Variants in DYNC2I1 observed in about 807,000 individuals in gnomAD.
DYNC2I1 encodes dynein 2 intermediate chain 1.
Under a neutral mutation model 133.4 loss-of-function variants are expected in DYNC2I1, and 89 were observed. The observed-to-expected ratio is 0.67, with a 90% CI of 0.56 to 0.80. DYNC2I1 has a LOEUF of 0.80. DYNC2I1 is among the 30% of genes least tolerant of loss of function. The probability of loss-of-function intolerance (pLI) is 0.00; values close to 1 mark genes in which losing one functional copy is unlikely to be tolerated. For synonymous variants in DYNC2I1, 504 were observed against 484.3 expected (o/e 1.04, Z -0.54); for missense variants, 1,291 against 1,314.5 (o/e 0.98, Z 0.28).
intron 1 of DYNC2I1, among the ~76,000 whole-genome samples, chr7:158,863,397 AC>A (rs1842051109): frequency 6.6e-6 from 1 of 151,810 alleles, no homozygotes; most frequent in South Asian, 2.1e-4. Flanking sequence ...GTCCCCACCC[AC>A]CCAGAAGCCC....
chr7:158,840,453 G>C, the DYNC2I1 span, among the ~76,000 whole-genome samples: 1 of 152,136 alleles, frequency 6.6e-6, no homozygotes, highest in Non-Finnish European at 1.5e-5. Flanking sequence ...TGTAATCCCA[G>C]CTACTCGGGA....
In DYNC2I1 at chr7:158,953,011, C is replaced by T. The variant is rs142167032; in HGVS notation, c.*57-3572C>T. Among the ~76,000 whole-genome samples, 416 of 152,336 alleles carry T rather than the reference C, an allele frequency of 2.7e-3. 1 individual carries two copies. Among genetic ancestry groups the T allele is most frequent in the African/African-American group, 7.3e-3 (303 of 41,582 alleles). On this transcript the variant is annotated intron_variant and NMD_transcript_variant, in intron 4 of 4. Transcript: ENST00000454771. ...CGCTCCCCCATCCTTCCCACCTGTGCAATGCCAGCCCAGGTGGCATCCGCA... is the reference window on the plus strand; with the variant it reads ...CGCTCCCCCATCCTTCCCACCTGTGTAATGCCAGCCCAGGTGGCATCCGCA...
chr7:158,877,044 A>C (rs1843420562), intron 4 of DYNC2I1, among the ~76,000 whole-genome samples: 2 of 152,192 alleles, frequency 1.3e-5, no homozygotes, highest in African/African-American at 2.4e-5. Context: ...TTAGATTTTT[A>C]CTGTTTTATA....
At chr7:158,933,561 G>C (rs1850439686) in intron 21 of DYNC2I1, among the ~76,000 whole-genome samples, 1 of 152,252 alleles carries the variant, frequency 6.6e-6, no homozygotes. Flanking sequence ...GCTTGGAAGA[G>C]CTTGAAATCC....
Position 158,911,591 on chromosome 7 carries a change from T to G in DYNC2I1, c.1502T>G (p.Phe501Cys). 1 of 1,613,802 alleles carries G rather than the reference T, an allele frequency of 6.2e-7. No individual in the cohort carries two copies. Among genetic ancestry groups the G allele is most frequent in the Non-Finnish European group, 8.5e-7 (1 of 1,179,816 alleles). The change falls in exon 12 of 25, where the codon TTT becomes TGT. Residue 501 changes from phenylalanine (F) to cysteine (C), a missense_variant. Transcript: ENST00000407559. ...TKLLRLIDLD[F>C]SFTFSLLDLP... ...CTGCTTCGGCTCATTGACTTAGATTTTTCATTTACTTTCTCTCTCTTGGAT... is the reference window on the plus strand; with the variant it reads ...CTGCTTCGGCTCATTGACTTAGATTGTTCATTTACTTTCTCTCTCTTGGAT...
At chr7:158,885,911 G>T (rs185714896) in intron 6 of DYNC2I1, among the ~76,000 whole-genome samples, 32 of 151,928 alleles carry the variant, frequency 2.1e-4, no homozygotes, top group African/African-American at 6.5e-4. Context: ...TAAAAATTGA[G>T]AATCAGTTTG....
chr7:158,876,755 A>G (rs1404913418), intron 4 of DYNC2I1, 64 bp downstream of exon 4: 4 of 1,477,978 alleles, frequency 2.7e-6, no homozygotes, highest in East Asian at 2.5e-5. Flanking sequence ...TGTTTTAAGC[A>G]TTATTGTTGG....
intron 20 of DYNC2I1, among the ~76,000 whole-genome samples, chr7:158,927,352 G>A (rs947479191): frequency 2.0e-5 from 3 of 151,022 alleles, no homozygotes; most frequent in Non-Finnish European, 2.9e-5. Context: ...GCAGTGAGCC[G>A]TGATCATGCC....
chr7:158,891,314 C>A lies in DYNC2I1; in HGVS notation c.1040C>A (p.Pro347Gln). 2 of 1,613,984 alleles carry A rather than the reference C, an allele frequency of 1.2e-6. No individual in the cohort carries two copies. The highest frequency in any genetic ancestry group is 1.7e-6 in the Non-Finnish European group (2 of 1,179,880). Residue 347 changes from proline to glutamine, a missense_variant, in exon 8 of 25, where the codon CCG (proline) becomes CAG (glutamine). Pro to Gln is a moderately conservative substitution (Grantham distance 76). Coordinates refer to ENST00000407559, the MANE Select transcript of DYNC2I1 (RefSeq NM_018051.5). ...SSVWWKLDQR[P>Q]GGEETVEIEK... The stretch of plus-strand genomic sequence containing the variant: ...GTGTGGTGGAAGCTGGACCAGAGGC[C>A]GGGAGGCGAGGAAACCGTGGTAAGG...
At chr7:158,873,838 C>A (rs1348020664) in intron 3 of DYNC2I1, among the ~76,000 whole-genome samples, 1 of 151,482 alleles carries the variant, frequency 6.6e-6, no homozygotes, top group Admixed American at 6.6e-5. Context: ...CCCACTGCAG[C>A]CTCCGCCTCC....
At chr7:158,860,915 G>A (rs966357162) in intron 1 of DYNC2I1, among the ~76,000 whole-genome samples, 1 of 152,212 alleles carries the variant, frequency 6.6e-6, no homozygotes, top group African/African-American at 2.4e-5. Context: ...GGGTCTCCAA[G>A]GTTGGTCCTC....
At chr7:158,957,224 G>A (rs775689296), downstream of DYNC2I1, among the ~76,000 whole-genome samples, 2 of 152,148 alleles carry the variant, frequency 1.3e-5, no homozygotes, top group South Asian at 2.1e-4. Context: ...AAGTCATCCA[G>A]ACTCACTGCA....
At chr7:158,903,883 T>C (rs1006168248) in intron 10 of DYNC2I1, 7 of 152,278 alleles carry the variant, frequency 4.6e-5, no homozygotes, top group African/African-American at 1.7e-4. Flanking sequence ...CTTAGTGTTA[T>C]ATCTTTATTA....
intron 19 of DYNC2I1, among the ~76,000 whole-genome samples, 160 bp downstream of exon 19, chr7:158,926,623 C>A (rs1463490065): frequency 1.3e-5 from 2 of 152,208 alleles, no homozygotes; most frequent in Non-Finnish European, 2.9e-5. Flanking sequence ...ATGCAGAAGG[C>A]CACACATGGC....
At chr7:158,951,035 G>T (rs1302719232), downstream of DYNC2I1, among the ~76,000 whole-genome samples, 1 of 152,200 alleles carries the variant, frequency 6.6e-6, no homozygotes, top group Admixed American at 6.5e-5. Flanking sequence ...ATCTGATCTT[G>T]CATGTTGTCC....
intron 1 of DYNC2I1, 80 bp from the exon 2 acceptor site, chr7:158,869,775 T>C: frequency 9.3e-7 from 1 of 1,074,414 alleles, no homozygotes; most frequent in Non-Finnish European, 1.4e-6. Context: ...TTGATTTAAA[T>C]GGCATAATGA....
At chr7:158,863,308 T>C (rs1842042972) in intron 1 of DYNC2I1, among the ~76,000 whole-genome samples, 1 of 151,988 alleles carries the variant, frequency 6.6e-6, no homozygotes, top group South Asian at 2.1e-4. Context: ...TGCTGATTGG[T>C]GCGTTTACAA....
In DYNC2I1 at chr7:158,922,564, G is replaced by A; in HGVS notation, c.2094+15G>A. 1 of 1,611,434 alleles carries A rather than the reference G, an allele frequency of 6.2e-7. No homozygotes were observed. Among genetic ancestry groups the A allele is most frequent in the Non-Finnish European group, 8.5e-7 (1 of 1,178,684 alleles). On this transcript the variant is annotated intron_variant, in intron 16 of 24. Transcript: ENST00000407559. ...GTGAGTCCCAGGTACAGCTCAGGAT[G>A]AGAGTCGCACGTTTGATGGGAGGAT... is the stretch of plus-strand genomic sequence containing the variant.
intron 3 of DYNC2I1, among the ~76,000 whole-genome samples, chr7:158,872,755 G>T (rs6973648): frequency 0.017 from 2,597 of 152,192 alleles, 76 homozygotes; most frequent in African/African-American, 0.058. Flanking sequence ...CTAGCACTTT[G>T]GGAGGCCGAG....
Sources: allele counts gnomAD v4.1 joint callset (sites outside exome capture counted in the v4.1 genomes callset), GRCh38; gene constraint gnomAD v4.1.1; transcripts MANE v1.5; gene names NCBI Gene and HGNC (gene_info 2026-07-23, HGNC 2026-07-21).